NFIB: variants seen among roughly 807,000 people sequenced by gnomAD.
NFIB encodes the protein nuclear factor 1 B-type.
In NFIB, 11 loss-of-function variants were observed where a neutral mutation model predicts 61.5. The observed-to-expected ratio is 0.18, with a 90% confidence interval of 0.11 to 0.30. NFIB has a LOEUF of 0.30. Ranked by LOEUF, NFIB falls within the 10% of genes least tolerant of loss-of-function variation. NFIB has a pLI of 1.00. For missense variants in NFIB, 471 were observed against 608.9 expected (o/e 0.77, Z 2.38); for synonymous variants, 260 against 216.5 (o/e 1.20, Z -1.76).
intron 1 of NFIB, among the ~76,000 whole-genome samples, chr9:14,340,299 A>T (rs2060934948): frequency 6.6e-6 from 1 of 152,210 alleles, no homozygotes; most frequent in Non-Finnish European, 1.5e-5. Context: ...ATACTTAGTA[A>T]AAGAATGGGC....
upstream of NFIB, among the ~76,000 whole-genome samples, chr9:14,403,637 T>C (rs2061763698): frequency 6.6e-6 from 1 of 152,080 alleles, no homozygotes; most frequent in African/African-American, 2.4e-5. Flanking sequence ...TGGTAATGCA[T>C]GCCATAGTTT....
chr9:14,344,413 G>C (rs187591221), intron 1 of NFIB, among the ~76,000 whole-genome samples: 99 of 151,834 alleles, frequency 6.5e-4, no homozygotes, highest in Non-Finnish European at 9.6e-4. Context: ...GTCTCAGAAG[G>C]GGGGGGTAGA....
the NFIB span, among the ~76,000 whole-genome samples, chr9:14,529,845 C>T: frequency 2.0e-5 from 3 of 152,114 alleles, no homozygotes; most frequent in African/African-American, 4.8e-5. Flanking sequence ...CTGAACTTGT[C>T]CCTGTACACA....
At chr9:14,236,063 G>T (rs780345266) in intron 2 of NFIB, among the ~76,000 whole-genome samples, 1 of 152,116 alleles carries the variant, frequency 6.6e-6, no homozygotes, top group Admixed American at 6.5e-5. Flanking sequence ...TTAAATAATA[G>T]CATTGATCAT....
intron 2 of NFIB, among the ~76,000 whole-genome samples, chr9:14,187,019 G>GTGTATA (rs1246722051): frequency 1.9e-4 from 3 of 15,538 alleles, no homozygotes; most frequent in East Asian, 2.2e-3. Context: ...GTGTGTGTGT[G>GTGTATA]TGTGTGTATG....
chr9:14,112,813 A>C (rs2037572226), intron 10 of NFIB, among the ~76,000 whole-genome samples, 186 bp downstream of exon 10: 1 of 152,214 alleles, frequency 6.6e-6, no homozygotes, highest in African/African-American at 2.4e-5. Context: ...AGCCAATTTG[A>C]GAAACTCTAC....
chr9:14,280,356 C>G (rs1264948672), intron 2 of NFIB, among the ~76,000 whole-genome samples: 1 of 152,140 alleles, frequency 6.6e-6, no homozygotes, highest in East Asian at 1.9e-4. Flanking sequence ...AATACGCACA[C>G]ACACACACAT....
chr9:14,259,901 T>C (rs1384750023), intron 2 of NFIB, among the ~76,000 whole-genome samples: 1 of 152,162 alleles, frequency 6.6e-6, no homozygotes, highest in East Asian at 1.9e-4. Context: ...TGAGACTCCA[T>C]TTCAAAAACA....
At chr9:14,467,215 G>A in the NFIB span, among the ~76,000 whole-genome samples, 1 of 152,182 alleles carries the variant, frequency 6.6e-6, no homozygotes, top group Non-Finnish European at 1.5e-5. Context: ...CTGTCCTGAT[G>A]TGAAGAAAAG....
At chr9:14,186,854 C>T (rs79316233) in intron 2 of NFIB, among the ~76,000 whole-genome samples, 2,579 of 151,882 alleles carry the variant, frequency 0.017, 63 homozygotes, top group African/African-American at 0.053. Flanking sequence ...AATTATAGTT[C>T]TACATTATTT....
At chr9:14,353,545 TG>T (rs2061139429) in intron 1 of NFIB, among the ~76,000 whole-genome samples, 1 of 151,660 alleles carries the variant, frequency 6.6e-6, no homozygotes, top group African/African-American at 2.4e-5. Context: ...GGCTGGGGAG[TG>T]GGCTGGTTCC....
At chr9:14,090,647 T>A (rs1275001030) in intron 10 of NFIB, among the ~76,000 whole-genome samples, 1 of 152,066 alleles carries the variant, frequency 6.6e-6, no homozygotes, top group Non-Finnish European at 1.5e-5. Context: ...TAACTTGAAG[T>A]AAGAAGCATG....
the NFIB span, among the ~76,000 whole-genome samples, chr9:14,505,022 C>T: frequency 9.2e-5 from 14 of 152,214 alleles, no homozygotes; most frequent in Middle Eastern, 3.4e-3. Flanking sequence ...GCCGATTTTT[C>T]GAGGGTTTTA....
chr9:14,330,270 T>C (rs1480949980), intron 1 of NFIB, among the ~76,000 whole-genome samples: 4 of 152,190 alleles, frequency 2.6e-5, no homozygotes, highest in Non-Finnish European at 5.9e-5. Flanking sequence ...TTAAATACTT[T>C]ATAATATTCT....
At chr9:14,453,874 A>T in the NFIB span, among the ~76,000 whole-genome samples, 10 of 152,046 alleles carry the variant, frequency 6.6e-5, no homozygotes, top group Non-Finnish European at 1.3e-4. Flanking sequence ...CAGGGTCAGG[A>T]GATCGAGACC....
At chr9:14,299,608 C>T (rs1210795167) in intron 2 of NFIB, among the ~76,000 whole-genome samples, 5 of 152,126 alleles carry the variant, frequency 3.3e-5, no homozygotes, top group African/African-American at 1.2e-4. Flanking sequence ...TCTGAACTGC[C>T]TTAAAATAGG....
intron 1 of NFIB, among the ~76,000 whole-genome samples, chr9:14,347,628 C>T (rs1226401577): frequency 7.1e-6 from 1 of 141,000 alleles, no homozygotes; most frequent in South Asian, 2.3e-4. Flanking sequence ...GCTCCCTAGG[C>T]GGTTGAAGAT....
At chr9:14,199,229 G>C (rs1454958359) in intron 2 of NFIB, among the ~76,000 whole-genome samples, 1 of 152,212 alleles carries the variant, frequency 6.6e-6, no homozygotes, top group African/African-American at 2.4e-5. Context: ...TTTGGCAATT[G>C]TGTTCTGGCA....
At chr9:14,255,364 T>C (rs1464260276) in intron 2 of NFIB, among the ~76,000 whole-genome samples, 1 of 152,250 alleles carries the variant, frequency 6.6e-6, no homozygotes, top group Non-Finnish European at 1.5e-5. Context: ...TGACATTTCC[T>C]TAATGTAAGA....
Sources: gnomAD v4.1 joint callset for allele counts (sites outside exome capture counted in the v4.1 genomes callset) on GRCh38, gnomAD v4.1.1 for gene constraint, MANE v1.5 for transcripts, NCBI Gene and HGNC (gene_info 2026-07-23, HGNC 2026-07-21) for gene names.